The following SLIT3 variants were observed in gnomAD, a reference collection of about 807,000 sequenced individuals.
SLIT3 encodes slit guidance ligand 3, also known as slit homolog 3 protein.
Under a neutral mutation model 184.0 loss-of-function variants are expected in SLIT3, and 68 were observed. The observed-to-expected ratio is 0.37, with a 90% CI of 0.30 to 0.45. The LOEUF (loss-of-function observed/expected upper bound fraction) is 0.45, where lower values mean the gene tolerates loss of function less well. Among genes scored for constraint, SLIT3 ranks in the 20% least tolerant of loss-of-function variants. SLIT3 has a pLI of 1.00. For synonymous variants in SLIT3, 831 were observed against 828.6 expected (o/e 1.00, Z -0.05); for missense variants, 1,707 against 2,026.0 (o/e 0.84, Z 3.02).
chr5:169,236,561 C>A (rs1765209229), intron 3 of SLIT3, among the ~76,000 whole-genome samples: 1 of 151,852 alleles, frequency 6.6e-6, no homozygotes, highest in South Asian at 2.1e-4. Flanking sequence ...ACCTCTGCCA[C>A]CTGGGTTCAA....
At chr5:168,844,014 C>T (rs1422138601) in intron 6 of SLIT3, among the ~76,000 whole-genome samples, 4 of 137,244 alleles carry the variant, frequency 2.9e-5, no homozygotes, top group East Asian at 2.5e-4. Context: ...TTTAAGGTCA[C>T]GGTCACTGTT....
chr5:168,763,881 C>T (rs1285411064), intron 14 of SLIT3, among the ~76,000 whole-genome samples: 2 of 152,182 alleles, frequency 1.3e-5, no homozygotes, highest in Non-Finnish European at 2.9e-5. Flanking sequence ...ACCTGAGTGT[C>T]CTGTACATGA....
At chr5:169,043,287 G>T (rs986275525) in intron 4 of SLIT3, among the ~76,000 whole-genome samples, 1 of 152,152 alleles carries the variant, frequency 6.6e-6, no homozygotes, top group Admixed American at 6.6e-5. Context: ...ATACTCCAAA[G>T]CCTCATTAAT....
At chr5:168,965,646 C>T (rs1763159184) in intron 4 of SLIT3, among the ~76,000 whole-genome samples, 1 of 152,192 alleles carries the variant, frequency 6.6e-6, no homozygotes, top group African/African-American at 2.4e-5. Context: ...ACCAGTGTAG[C>T]AAACTGCTAT....
chr5:169,074,634 T>C (rs1289880447), intron 4 of SLIT3, among the ~76,000 whole-genome samples: 2 of 152,216 alleles, frequency 1.3e-5, no homozygotes, highest in Non-Finnish European at 2.9e-5. Context: ...TTCTGCTGCC[T>C]CCTAAGATGC....
At chr5:169,101,538 C>T (rs1022370387) in intron 4 of SLIT3, among the ~76,000 whole-genome samples, 2 of 152,230 alleles carry the variant, frequency 1.3e-5, no homozygotes, top group African/African-American at 4.8e-5. Flanking sequence ...GCCTCCAGGA[C>T]TCCTTGGTCT....
intron 9 of SLIT3, among the ~76,000 whole-genome samples, chr5:168,804,184 C>G (rs1756870371): frequency 6.6e-6 from 1 of 151,606 alleles, no homozygotes; most frequent in African/African-American, 2.4e-5. Flanking sequence ...TGGCAGGCAC[C>G]TATAATCCCA....
rs766074663 is a variant in SLIT3, at chr5:169,052,477, G to A, written c.413+141002C>T. Among the ~76,000 whole-genome samples the A allele has an allele frequency of 1.3e-5, 2 of 152,256 alleles. 1 individual carries two copies. Among genetic ancestry groups the A allele is most frequent in the Middle Eastern group, 6.8e-3 (2 of 294 alleles). On this transcript the variant is annotated intron_variant, in intron 4 of 35. Transcript: ENST00000519560. ...TACTTCCCCAGGGCCAATTAGCTGG[G>A]TCAGGTTAAGAGCAGAGGTGGTTTT...
At chr5:168,954,009 G>GA (rs11459467) in intron 4 of SLIT3, among the ~76,000 whole-genome samples, 73,098 of 151,802 alleles carry the variant, frequency 0.48, 18,780 homozygotes, top group African/African-American at 0.67. Context: ...TGGGAACTGA[G>GA]ACATTTTACT....
intron 26 of SLIT3, among the ~76,000 whole-genome samples, chr5:168,703,723 G>A (rs962059264): frequency 9.9e-5 from 15 of 152,140 alleles, no homozygotes; most frequent in Non-Finnish European, 1.8e-4. Context: ...GGAGGCCAGC[G>A]TGGGCGGATC....
chr5:168,759,979 C>T lies in SLIT3; in HGVS notation c.1685+883G>A, dbSNP rs531723239. On this transcript the variant is annotated intron_variant, in intron 16 of 35. Transcript: ENST00000519560. ...GGTACCTCTGCTGGGGGACCCCGCA[C>T]GGAAGATGAGGAGAAGCAAGCCAGC... is the stretch of plus-strand genomic sequence containing the variant. 7.9e-5 allele frequency among the ~76,000 whole-genome samples: 12 copies of T among 152,282 alleles called. No homozygotes were observed. In the South Asian group the frequency reaches 2.1e-3, roughly 26 times the overall value.
intron 4 of SLIT3, among the ~76,000 whole-genome samples, chr5:168,938,872 G>A (rs542542360): frequency 2.6e-5 from 4 of 152,178 alleles, no homozygotes; most frequent in Non-Finnish European, 5.9e-5. Flanking sequence ...CTCATGATCT[G>A]CCCACCTCAG....
At chr5:168,736,264 A>G (rs1763432629) in intron 20 of SLIT3, among the ~76,000 whole-genome samples, 1 of 152,168 alleles carries the variant, frequency 6.6e-6, no homozygotes, top group Admixed American at 6.5e-5. Context: ...CCTCCCATAG[A>G]TGGCTGTCAC....
At chr5:169,206,025 T>C (rs17643060) in intron 3 of SLIT3, among the ~76,000 whole-genome samples, 33,842 of 152,136 alleles carry the variant, frequency 0.22, 5,017 homozygotes, top group Non-Finnish European at 0.34. Context: ...AAGGTTTCTA[T>C]ATGAGAAGAG....
chr5:169,258,676 G>A (rs527379551), intron 1 of SLIT3, among the ~76,000 whole-genome samples: 1 of 152,310 alleles, frequency 6.6e-6, no homozygotes, highest in Admixed American at 6.5e-5. Context: ...ACCTTGGGTG[G>A]GGTAGGGAGA....
intron 4 of SLIT3, among the ~76,000 whole-genome samples, chr5:169,064,844 C>T (rs1203066320): frequency 1.3e-5 from 2 of 152,092 alleles, no homozygotes; most frequent in Non-Finnish European, 2.9e-5. Context: ...TATGAGGGAC[C>T]AAAGAGATTT....
chr5:169,021,644 C>T (rs1475291245), intron 4 of SLIT3, among the ~76,000 whole-genome samples: 1 of 152,192 alleles, frequency 6.6e-6, no homozygotes, highest in Admixed American at 6.5e-5. Context: ...AGCTACCGTG[C>T]CCAGCCAAGA....
At position 169,216,550 on chromosome 5, in the gene SLIT3, C is replaced by T. The variant is rs542398254; in HGVS notation, c.342-23000G>A. ...TTCCTATAGAGATTTGGCCAATTAC[C>T]GAAAACACTTTCTTTGGCTGAAAAG... On this transcript the variant is annotated intron_variant, in intron 3 of 35. Transcript: ENST00000519560. Among the ~76,000 whole-genome samples the T allele has an allele frequency of 3.9e-5, 6 of 152,246 alleles. No homozygotes were observed. In the South Asian group the frequency reaches 6.2e-4, roughly 16 times the overall value.
intron 20 of SLIT3, among the ~76,000 whole-genome samples, chr5:168,738,967 A>G (rs1279312692): frequency 6.7e-6 from 1 of 150,282 alleles, no homozygotes; most frequent in Non-Finnish European, 1.5e-5. Context: ...AGCAGCTCAC[A>G]GTATTTGTTG....
Sources: gnomAD v4.1 joint callset for allele counts (sites outside exome capture counted in the v4.1 genomes callset) on GRCh38, gnomAD v4.1.1 for gene constraint, MANE v1.5 for transcripts, NCBI Gene and HGNC (gene_info 2026-07-23, HGNC 2026-07-21) for gene names.